ZZZ3: variants seen among roughly 807,000 people sequenced by gnomAD.
ZZZ3 encodes ZZ-type zinc finger-containing protein 3.
In ZZZ3, 22 loss-of-function variants were observed where a neutral mutation model predicts 95.2. That is an observed-to-expected ratio of 0.23 (90% CI 0.17 to 0.33). ZZZ3 has a LOEUF of 0.33. ZZZ3 is among the 10% of genes least tolerant of loss of function. The probability of loss-of-function intolerance (pLI) is 1.00; values close to 1 mark genes in which losing one functional copy is unlikely to be tolerated. For missense variants in ZZZ3, 885 were observed against 1,066.5 expected (o/e 0.83, Z 2.37); for synonymous variants, 335 against 358.9 (o/e 0.93, Z 0.75).
chr1:77,617,687 C>G (rs1666444092), intron 5 of ZZZ3, among the ~76,000 whole-genome samples: 1 of 151,614 alleles, frequency 6.6e-6, no homozygotes, highest in Non-Finnish European at 1.5e-5. Flanking sequence ...GCCTGTAATC[C>G]CAGCACTTTG....
intron 1 of ZZZ3, among the ~76,000 whole-genome samples, chr1:77,647,322 C>T (rs1429761220): frequency 2.0e-5 from 3 of 152,116 alleles, no homozygotes; most frequent in Non-Finnish European, 4.4e-5. Flanking sequence ...GGTTCAAAAC[C>T]GGCCTAGCCA....
At chr1:77,595,184 T>G (rs1430396973) in intron 5 of ZZZ3, among the ~76,000 whole-genome samples, 1 of 152,018 alleles carries the variant, frequency 6.6e-6, no homozygotes, top group Non-Finnish European at 1.5e-5. Flanking sequence ...GTGTGAACAG[T>G]AGTTGTTTAT....
chr1:77,587,458 G>A (rs1663209158), intron 5 of ZZZ3, among the ~76,000 whole-genome samples: 1 of 151,944 alleles, frequency 6.6e-6, no homozygotes, highest in African/African-American at 2.4e-5. Context: ...TAGAGATGGG[G>A]TTTCACCATG....
intron 5 of ZZZ3, among the ~76,000 whole-genome samples, chr1:77,626,190 C>T (rs1171250181): frequency 6.6e-6 from 1 of 152,078 alleles, no homozygotes; most frequent in African/African-American, 2.4e-5. Flanking sequence ...GCAAAAATTA[C>T]ATATTTTAGA....
At chr1:77,608,081 G>A (rs1665433457) in intron 5 of ZZZ3, among the ~76,000 whole-genome samples, 1 of 152,092 alleles carries the variant, frequency 6.6e-6, no homozygotes, top group African/African-American at 2.4e-5. Context: ...GAAAGACATA[G>A]GGGTAGAAAG....
chr1:77,568,151 C>T (rs1570383591), intron 13 of ZZZ3, among the ~76,000 whole-genome samples, 181 bp downstream of exon 13: 1 of 152,180 alleles, frequency 6.6e-6, no homozygotes, highest in East Asian at 1.9e-4. Context: ...TAGTGGCACA[C>T]ACCTGTAATC....
Position 77,633,434 on chromosome 1 carries a change from A to T in ZZZ3, c.-51-29T>A, listed in dbSNP as rs891700493. 3.4e-6 allele frequency: 5 copies of T among 1,455,354 alleles called. No individual in the cohort carries two copies. In the African/African-American group the frequency reaches 7.1e-5, roughly 21 times the overall value. The allele number at this position is 1,455,354 out of a possible 1,614,324, so 90.2% of individuals were successfully genotyped here. The stretch of plus-strand genomic sequence containing the variant: ...CAAAAATGTAAACAAAATAATGAGA[A>T]AAAGGTAATAGTTAATATACCCAGA... On this transcript the variant is annotated intron_variant, in intron 4 of 14. Coordinates refer to ENST00000370801, the MANE Select transcript of ZZZ3 (RefSeq NM_015534.6).
Position 77,633,082 on chromosome 1 carries a change from TGAA to T in ZZZ3, c.270_272del (p.Ser91del). On this transcript the variant is annotated inframe_deletion, in exon 5 of 15. Coordinates refer to ENST00000370801, the MANE Select transcript of ZZZ3 (RefSeq NM_015534.6). ...CCTGCCTTTCTATGTTATCCTTTTC[TGAA>T]GAAGAAAGTCCTCTTTTCCTAGGGC... is the stretch of plus-strand genomic sequence containing the variant. 6.2e-7 allele frequency: 1 copy of T among 1,613,988 alleles called. No individual in the cohort carries two copies. Among genetic ancestry groups the T allele is most frequent in the Non-Finnish European group, 8.5e-7 (1 of 1,180,012 alleles).
At position 77,667,833 on chromosome 1, in the gene ZZZ3, T is replaced by C. The variant is rs536744736; in HGVS notation, c.-403+14752A>G. Reference sequence around the variant, plus strand: ...CAGACTGGAGTGCAGTGGCATGACATTGGTTCACTGCAACCTCCACCTACT... The same window carrying C: ...CAGACTGGAGTGCAGTGGCATGACACTGGTTCACTGCAACCTCCACCTACT... On this transcript the variant is annotated intron_variant, in intron 1 of 14. Transcript: ENST00000370801. Among the ~76,000 whole-genome samples, 100 of 151,070 alleles carry C rather than the reference T, an allele frequency of 6.6e-4. 1 individual carries two copies. The highest frequency in any genetic ancestry group is 1.5e-3 in the Admixed American group (23 of 15,088).
chr1:77,603,028 G>GA lies in ZZZ3; in HGVS notation c.1506-18374dup, dbSNP rs557247978. On this transcript the variant is annotated intron_variant, in intron 5 of 14. Transcript: ENST00000370801. ...AATAAAAATTGCCATATCTAGCAGT[G>GA]AAAAAAAAAAACTTCTGAAAACCAG... Among the ~76,000 whole-genome samples, 314 of 142,048 alleles carry GA rather than the reference G, an allele frequency of 2.2e-3. 1 individual carries two copies. The highest frequency in any genetic ancestry group is 2.7e-3 in the African/African-American group (107 of 38,922). 93.2% of individuals were successfully genotyped at this position (142,048 alleles called of 152,430 possible). A position where few individuals can be genotyped will look rare whatever the true frequency, so the allele number is the denominator to read the frequency against.
chr1:77,639,861 A>T (rs968718618), intron 3 of ZZZ3, among the ~76,000 whole-genome samples: 6 of 152,124 alleles, frequency 3.9e-5, no homozygotes, highest in Admixed American at 2.6e-4. Context: ...ACTGAGTCAA[A>T]ATGTGACTTG....
chr1:77,599,977 G>T (rs1664576813), intron 5 of ZZZ3, among the ~76,000 whole-genome samples: 1 of 151,976 alleles, frequency 6.6e-6, no homozygotes, highest in African/African-American at 2.4e-5. Flanking sequence ...TTGCATGAAA[G>T]GTTTCATCAA....
intron 5 of ZZZ3, among the ~76,000 whole-genome samples, chr1:77,594,557 G>A (rs1283948705): frequency 6.6e-6 from 1 of 152,014 alleles, no homozygotes; most frequent in Admixed American, 6.5e-5. Context: ...ACAGATGGAT[G>A]ACTCTTCAAT....
Position 77,632,027 on chromosome 1 carries a change from T to C in ZZZ3, c.1328A>G (p.Asp443Gly). The C allele has an allele frequency of 6.2e-7, 1 of 1,614,090 alleles. No homozygotes were observed. The highest frequency in any genetic ancestry group is 8.5e-7 in the Non-Finnish European group (1 of 1,179,986). The change falls in exon 5 of 15, where the codon GAC becomes GGC. Residue 443 changes from aspartate to glycine, a missense_variant. Asp to Gly is a moderately conservative substitution (Grantham distance 94). Around this residue, in one of 5 missense-constraint regions of ZZZ3, gnomAD observed 556 missense variants for 652.9 expected, o/e 0.85. Transcript: ENST00000370801. ...ISQNEKGICC[D>G]SQNNGSEGVS... Reference sequence around the variant, plus strand: ...TCCTTCACTTCCATTATTTTGAGAGTCACAACATATCCCTTTTTCATTTTG... The same window carrying C: ...TCCTTCACTTCCATTATTTTGAGAGCCACAACATATCCCTTTTTCATTTTG...
intron 5 of ZZZ3, among the ~76,000 whole-genome samples, chr1:77,616,788 AC>A (rs1444319817): frequency 6.6e-6 from 1 of 152,084 alleles, no homozygotes; most frequent in East Asian, 1.9e-4. Context: ...AATCGCTGGA[AC>A]CCAGGAGGCG....
intron 5 of ZZZ3, among the ~76,000 whole-genome samples, chr1:77,585,369 ATC>A (rs1392303929): frequency 3.3e-5 from 5 of 152,196 alleles, no homozygotes; most frequent in African/African-American, 1.2e-4. Flanking sequence ...TTATCCTGAA[ATC>A]TCACTACAAT....
In ZZZ3 at chr1:77,563,013, T is replaced by C. The variant is rs1570373539; in HGVS notation, c.*2627A>G. The C allele has an allele frequency of 1.3e-5, 2 of 152,242 alleles. No individual in the cohort carries two copies. Among genetic ancestry groups the C allele is most frequent in the South Asian group, 2.1e-4 (1 of 4,832 alleles). 9.4% of individuals were successfully genotyped at this position (152,242 alleles called of 1,614,324 possible). ...CAGGATAATAAATGACCCTGCCTCA[T>C]AGAGTTGTTAAGAATTAGTTATCAT... On this transcript the variant is annotated 3_prime_UTR_variant, in exon 15 of 15. Transcript: ENST00000370801.
intron 1 of ZZZ3, among the ~76,000 whole-genome samples, chr1:77,642,593 A>C (rs934076828): frequency 4.6e-5 from 7 of 152,122 alleles, no homozygotes; most frequent in Non-Finnish European, 8.8e-5. Flanking sequence ...AAAACAAAAA[A>C]AAAAAAAATG....
chr1:77,662,721 G>A (rs2101021322), intron 1 of ZZZ3, among the ~76,000 whole-genome samples: 1 of 152,192 alleles, frequency 6.6e-6, no homozygotes. Context: ...AGTCCAGGAG[G>A]TCAAAGCTAC....
Sources: allele counts gnomAD v4.1 joint callset (sites outside exome capture counted in the v4.1 genomes callset), GRCh38; gene constraint gnomAD v4.1.1; regional missense constraint gnomAD v4.1.1; transcripts MANE v1.5; gene names NCBI Gene and HGNC (gene_info 2026-07-23, HGNC 2026-07-21).